Variants in IQSEC1 observed in about 807,000 individuals in gnomAD.
IQSEC1 encodes IQ motif and SEC7 domain-containing protein 1.
A neutral mutation model predicts 91.0 loss-of-function variants in IQSEC1; 31 were observed. The observed-to-expected ratio is 0.34, with a 90% CI of 0.26 to 0.46. The LOEUF is 0.46. Among genes scored for constraint, IQSEC1 ranks in the 20% least tolerant of loss-of-function variants. The pLI, the probability that IQSEC1 is intolerant of heterozygous loss-of-function variation, is 1.00. For missense variants in IQSEC1, 1,388 were observed against 1,575.6 expected, an observed-to-expected ratio of 0.88 and a Z score of 2.02; for synonymous variants, 699 against 662.6, an observed-to-expected ratio of 1.05 and a Z score of -0.84.
intron 1 of IQSEC1, among the ~76,000 whole-genome samples, chr3:13,253,440 G>T (rs1695234293): frequency 6.6e-6 from 1 of 152,174 alleles, no homozygotes; most frequent in Admixed American, 6.5e-5. Flanking sequence ...GGCGGGTATT[G>T]AGTGGTGCGG....
At chr3:13,127,391 G>C (rs889169926) in intron 2 of IQSEC1, among the ~76,000 whole-genome samples, 31 of 151,534 alleles carry the variant, frequency 2.0e-4, no homozygotes, top group African/African-American at 7.1e-4. Context: ...TCCAGCCTAA[G>C]CAACAAGAGC....
At chr3:13,010,753 C>T (rs972897394) in intron 1 of IQSEC1, among the ~76,000 whole-genome samples, 55 of 152,284 alleles carry the variant, frequency 3.6e-4, no homozygotes, top group African/African-American at 1.3e-3. Flanking sequence ...AAGCTCCTGG[C>T]GGCTCCTTCA....
At chr3:13,153,130 T>C (rs1488220411) in intron 2 of IQSEC1, among the ~76,000 whole-genome samples, 2 of 151,266 alleles carry the variant, frequency 1.3e-5, no homozygotes, top group East Asian at 2.0e-4. Context: ...CCCTCCAGTG[T>C]CCAGGCCAGG....
intron 1 of IQSEC1, among the ~76,000 whole-genome samples, chr3:12,957,501 C>A (rs1699984740): frequency 1.3e-5 from 2 of 152,194 alleles, no homozygotes; most frequent in Admixed American, 6.5e-5. Flanking sequence ...CCATACGCAC[C>A]AAATGGACTT....
chr3:13,248,711 T>G (rs1294703121), intron 1 of IQSEC1, among the ~76,000 whole-genome samples: 1 of 152,246 alleles, frequency 6.6e-6, no homozygotes, highest in Admixed American at 6.5e-5. Context: ...CTGGTGTGGC[T>G]GACAGTTACT....
chr3:12,981,459 G>T (rs6442343), intron 1 of IQSEC1, among the ~76,000 whole-genome samples: 100 of 152,202 alleles, frequency 6.6e-4, no homozygotes, highest in South Asian at 1.7e-3. Flanking sequence ...ACATCTCTGG[G>T]GGGGAGAACC....
intron 1 of IQSEC1, among the ~76,000 whole-genome samples, chr3:13,217,580 C>T (rs1409899893): frequency 6.6e-6 from 1 of 152,190 alleles, no homozygotes; most frequent in African/African-American, 2.4e-5. Context: ...ACCTCCACAG[C>T]TGGTCCAGAA....
chr3:12,900,701 C>T lies in IQSEC1; in HGVS notation c.*282G>A, dbSNP rs1694165515. On this transcript the variant is annotated 3_prime_UTR_variant, in exon 14 of 14. Coordinates refer to ENST00000613206, the MANE Select transcript of IQSEC1 (RefSeq NM_001134382.3). ...GAGTGGGGGAGGCAGTTCAACACTA[C>T]TTGGCTGGCTCACCGTTTCAAGGCT... 1 of 1,373,920 alleles carries T rather than the reference C, an allele frequency of 7.3e-7. No homozygotes were observed. The highest frequency in any genetic ancestry group is 9.4e-7 in the Non-Finnish European group (1 of 1,063,232). The allele number at this position is 1,373,920 out of a possible 1,614,324, so 85.1% of individuals were successfully genotyped here.
chr3:13,046,005 G>C (rs1704479204), intron 1 of IQSEC1, among the ~76,000 whole-genome samples: 2 of 152,258 alleles, frequency 1.3e-5, no homozygotes, highest in Non-Finnish European at 2.9e-5. Context: ...TCTGGAGTCT[G>C]TGTGTATACG....
intron 2 of IQSEC1, among the ~76,000 whole-genome samples, chr3:13,161,302 G>C (rs1026574989): frequency 3.3e-5 from 5 of 152,152 alleles, no homozygotes; most frequent in African/African-American, 4.8e-5. Context: ...TGCGGGAGGA[G>C]AAGCGGGGGA....
At chr3:13,224,651 A>T (rs569644349) in intron 1 of IQSEC1, among the ~76,000 whole-genome samples, 1 of 152,234 alleles carries the variant, frequency 6.6e-6, no homozygotes, top group African/African-American at 2.4e-5. Context: ...GCCACCGCCC[A>T]CCAAGATGGA....
intron 1 of IQSEC1, among the ~76,000 whole-genome samples, chr3:13,191,819 CAG>C (rs1694038567): frequency 6.6e-6 from 1 of 152,180 alleles, no homozygotes; most frequent in South Asian, 2.1e-4. Flanking sequence ...CTTTCCATGA[CAG>C]TGTTCTTACT....
rs970347441 is a variant in IQSEC1, at chr3:12,915,216, C to T, written c.2161-83G>A. ...CCAATGCTGCAAGTGCCCCTCCCTA[C>T]ACCTACCCTTGGGATCCACCCAGCC... On this transcript the variant is annotated intron_variant, in intron 7 of 13. Transcript: ENST00000613206. 5.6e-6 allele frequency: 8 copies of T among 1,420,482 alleles called. No individual in the cohort carries two copies. In the East Asian group the frequency reaches 9.8e-5, roughly 17 times the overall value. The allele number at this position is 1,420,482 out of a possible 1,614,324, so 88.0% of individuals were successfully genotyped here.
chr3:13,155,512 C>A (rs908071594), intron 2 of IQSEC1, among the ~76,000 whole-genome samples: 1 of 152,162 alleles, frequency 6.6e-6, no homozygotes, highest in Non-Finnish European at 1.5e-5. Context: ...AAGCCCTGGA[C>A]CTGATGGCTT....
At chr3:12,968,917 G>A (rs1700764849) in intron 1 of IQSEC1, among the ~76,000 whole-genome samples, 1 of 152,222 alleles carries the variant, frequency 6.6e-6, no homozygotes, top group South Asian at 2.1e-4. Flanking sequence ...GGGGGCTGAG[G>A]TGGCCCAGCT....
intron 1 of IQSEC1, among the ~76,000 whole-genome samples, chr3:13,177,948 C>T (rs1693770416): frequency 6.6e-6 from 1 of 152,244 alleles, no homozygotes; most frequent in Non-Finnish European, 1.5e-5. Flanking sequence ...CCTGCATCCC[C>T]TAGGCCTGGG....
intron 1 of IQSEC1, among the ~76,000 whole-genome samples, chr3:13,169,301 C>T (rs924998822): frequency 1.1e-4 from 17 of 152,246 alleles, no homozygotes; most frequent in Non-Finnish European, 2.1e-4. Context: ...TAAGATGTGA[C>T]TTGCTCCTCC....
At chr3:13,112,491 G>A (rs1036248626) in intron 2 of IQSEC1, among the ~76,000 whole-genome samples, 20 of 152,240 alleles carry the variant, frequency 1.3e-4, no homozygotes, top group Admixed American at 6.5e-4. Flanking sequence ...ACAAAGAGAC[G>A]TCCGGAAAAA....
At position 12,922,178 on chromosome 3, in the gene IQSEC1, C is replaced by T. The variant is rs1301968555; in HGVS notation, c.1795G>A (p.Ala599Thr). 1 of 1,610,302 alleles carries T rather than the reference C, an allele frequency of 6.2e-7. No homozygotes were observed. Among genetic ancestry groups the T allele is most frequent in the Non-Finnish European group, 8.5e-7 (1 of 1,177,668 alleles). ...GCCTCCCCTTGGACACGGATGTGCG[C>T]CTGGAATTTCCTGAGGGCCTCATCC... ...ELDEALRKFQAHIRVQGEAQK... is the reference protein window; with the variant it reads ...ELDEALRKFQTHIRVQGEAQK... Residue 599 changes from alanine to threonine, a missense_variant, in exon 5 of 14, where the codon GCG becomes ACG. Ala to Thr is a moderately conservative substitution (Grantham distance 58). Transcript: ENST00000613206. The surrounding 1 kb of genome is among the most constrained non-coding windows in gnomAD (Gnocchi z 5.1).
Sources: allele counts gnomAD v4.1 joint callset (sites outside exome capture counted in the v4.1 genomes callset), GRCh38; gene constraint gnomAD v4.1.1; non-coding constraint Gnocchi (gnomAD v3.1); transcripts MANE v1.5; gene names NCBI Gene and HGNC (gene_info 2026-07-23, HGNC 2026-07-21).